Variants in PPFIA2 observed in about 807,000 individuals in gnomAD.
PPFIA2 encodes liprin-alpha-2.
PPFIA2 carries 46 observed loss-of-function variants against 175.5 expected under a neutral mutation model. The ratio of observed to expected loss-of-function variants is 0.26; its 90% CI spans 0.21 to 0.34. The LOEUF (loss-of-function observed/expected upper bound fraction) is 0.34, where lower values mean the gene tolerates loss of function less well. Ranked by LOEUF, PPFIA2 falls within the 10% of genes least tolerant of loss-of-function variation. The probability of loss-of-function intolerance (pLI) is 1.00; values close to 1 mark genes in which losing one functional copy is unlikely to be tolerated. For missense variants in PPFIA2, 1,179 were observed against 1,506.1 expected (o/e 0.78, Z 3.60); for synonymous variants, 568 against 511.4 (o/e 1.11, Z -1.49).
At chr12:81,391,730 C>A (rs2040163352) in intron 8 of PPFIA2, among the ~76,000 whole-genome samples, 1 of 151,838 alleles carries the variant, frequency 6.6e-6, no homozygotes, top group African/African-American at 2.4e-5. Context: ...GTATTTGGGT[C>A]AAGCTTATAC....
intron 8 of PPFIA2, among the ~76,000 whole-genome samples, chr12:81,404,386 G>A (rs923536664): frequency 5.9e-5 from 9 of 152,086 alleles, no homozygotes; most frequent in East Asian, 1.9e-4. Flanking sequence ...AATTCTCTGA[G>A]GAGAGGTATA....
At chr12:81,586,058 G>T (rs974759310) in intron 4 of PPFIA2, among the ~76,000 whole-genome samples, 18 of 151,858 alleles carry the variant, frequency 1.2e-4, no homozygotes, top group African/African-American at 4.3e-4. Flanking sequence ...TATGCACTTT[G>T]TCATTGACCA....
chr12:81,347,487 A>T (rs1346707367), intron 18 of PPFIA2, 46 bp downstream of exon 18: 1 of 1,474,020 alleles, frequency 6.8e-7, no homozygotes, highest in Admixed American at 1.7e-5. Context: ...CTAAAGCATC[A>T]TTAATCTTAA....
chr12:81,395,295 A>T (rs2040909441), intron 8 of PPFIA2, among the ~76,000 whole-genome samples: 1 of 152,120 alleles, frequency 6.6e-6, no homozygotes, highest in East Asian at 1.9e-4. Flanking sequence ...AAACAATTTT[A>T]TTGAAGAACA....
intron 21 of PPFIA2, among the ~76,000 whole-genome samples, chr12:81,331,069 A>T (rs1029637036): frequency 6.6e-6 from 1 of 152,244 alleles, no homozygotes; most frequent in Non-Finnish European, 1.5e-5. Context: ...TTTGGCGTAA[A>T]GGCCGACACA....
At chr12:81,498,168 C>T (rs1345429350) in intron 4 of PPFIA2, among the ~76,000 whole-genome samples, 1 of 152,140 alleles carries the variant, frequency 6.6e-6, no homozygotes, top group Non-Finnish European at 1.5e-5. Context: ...TACAAAGATA[C>T]TACAAAGAGT....
intron 18 of PPFIA2, among the ~76,000 whole-genome samples, chr12:81,346,896 T>C (rs781498575): frequency 1.3e-5 from 2 of 152,008 alleles, no homozygotes; most frequent in Non-Finnish European, 2.9e-5. Context: ...ATGTACTTAA[T>C]GGTTTAAGTC....
At chr12:81,476,630 G>A (rs894040720) in intron 4 of PPFIA2, among the ~76,000 whole-genome samples, 4 of 152,178 alleles carry the variant, frequency 2.6e-5, no homozygotes, top group Non-Finnish European at 5.9e-5. Flanking sequence ...AGTTTGGTCT[G>A]CATTGTGGAA....
chr12:81,587,694 T>C (rs2075485350), intron 4 of PPFIA2, among the ~76,000 whole-genome samples: 1 of 152,050 alleles, frequency 6.6e-6, no homozygotes, highest in African/African-American at 2.4e-5. Context: ...TATAATAATA[T>C]TGTCTGTATG....
intron 4 of PPFIA2, among the ~76,000 whole-genome samples, chr12:81,524,099 G>T (rs1190680106): frequency 6.6e-6 from 1 of 152,288 alleles, no homozygotes; most frequent in Non-Finnish European, 1.5e-5. Context: ...TGTTTTCAAA[G>T]GAAGTCATGA....
intron 7 of PPFIA2, among the ~76,000 whole-genome samples, chr12:81,431,860 T>G (rs532333472): frequency 6.6e-6 from 1 of 152,244 alleles, no homozygotes; most frequent in African/African-American, 2.4e-5. Context: ...TAGCCACCCC[T>G]CACTCAGATC....
intron 7 of PPFIA2, among the ~76,000 whole-genome samples, chr12:81,426,338 C>A (rs899611922): frequency 6.6e-6 from 1 of 152,118 alleles, no homozygotes; most frequent in African/African-American, 2.4e-5. Flanking sequence ...TGATTTTGAT[C>A]TGTAACCTTT....
intron 25 of PPFIA2, among the ~76,000 whole-genome samples, chr12:81,283,556 A>G (rs2042580275): frequency 6.6e-6 from 1 of 152,152 alleles, no homozygotes; most frequent in African/African-American, 2.4e-5. Context: ...AGTACATGAC[A>G]TTGGTGTTTT....
At chr12:81,483,813 T>C (rs939315134) in intron 4 of PPFIA2, among the ~76,000 whole-genome samples, 3 of 152,102 alleles carry the variant, frequency 2.0e-5, no homozygotes, top group African/African-American at 7.2e-5. Context: ...CTATAAGATA[T>C]ATATTTCAAT....
chr12:81,671,221 C>T (rs965775941), intron 4 of PPFIA2, among the ~76,000 whole-genome samples: 1 of 151,882 alleles, frequency 6.6e-6, no homozygotes, highest in Non-Finnish European at 1.5e-5. Context: ...CCAGAAAGTT[C>T]CAATATCAGC....
rs368612822 is a variant in PPFIA2, at chr12:81,642,674, TG to T, written c.303+34116del. Among the ~76,000 whole-genome samples, 71 of 19,124 alleles carry T rather than the reference TG, an allele frequency of 3.7e-3. 13 individuals carry two copies. The highest frequency in any genetic ancestry group is 0.012 in the East Asian group (3 of 246). The allele number at this position is 19,124 out of a possible 152,430, so 12.5% of individuals were successfully genotyped here. A position where few individuals can be genotyped will look rare whatever the true frequency, so the allele number is the denominator to read the frequency against. ...TGTATGTATCTATTATATACATACA[TG>T]TATGTATCTATTATATACATACATG... On this transcript the variant is annotated intron_variant, in intron 4 of 32. Coordinates refer to ENST00000549396, the MANE Select transcript of PPFIA2 (RefSeq NM_003625.5).
At chr12:81,740,298 G>A (rs936431934) in intron 3 of PPFIA2, among the ~76,000 whole-genome samples, 4 of 152,084 alleles carry the variant, frequency 2.6e-5, no homozygotes, top group Admixed American at 2.0e-4. Context: ...CCCTATGTAC[G>A]TTTGGCCTAT....
chr12:81,647,218 T>C (rs9804913), intron 4 of PPFIA2, among the ~76,000 whole-genome samples: 71,770 of 151,828 alleles, frequency 0.47, 18,088 homozygotes, highest in Middle Eastern at 0.59. Flanking sequence ...CCAGACATAG[T>C]AGAGGAAAGA....
intron 4 of PPFIA2, among the ~76,000 whole-genome samples, chr12:81,478,075 C>T (rs1479518809): frequency 6.6e-6 from 1 of 152,036 alleles, no homozygotes; most frequent in Non-Finnish European, 1.5e-5. Context: ...TAATTACTGC[C>T]TCAATTTCAG....
Sources: gnomAD v4.1 joint callset for allele counts (sites outside exome capture counted in the v4.1 genomes callset) on GRCh38, gnomAD v4.1.1 for gene constraint, MANE v1.5 for transcripts, NCBI Gene and HGNC (gene_info 2026-07-23, HGNC 2026-07-21) for gene names.